Variants in SMOX observed in about 807,000 individuals in gnomAD.
SMOX encodes the protein flavin containing amine oxidase.
A neutral mutation model predicts 51.0 loss-of-function variants in SMOX; 22 were observed. The ratio of observed to expected loss-of-function variants is 0.43; its 90% confidence interval spans 0.31 to 0.62. The LOEUF (loss-of-function observed/expected upper bound fraction) is 0.62. Among genes scored for constraint, SMOX ranks in the 20% least tolerant of loss-of-function variants. The pLI is 0.10. For missense variants in SMOX, 566 were observed against 777.7 expected (o/e 0.73, Z 3.24); for synonymous variants, 282 against 307.8 (o/e 0.92, Z 0.88).
In SMOX at chr20:4,177,838, G is replaced by A. The variant is rs961030576; in HGVS notation, c.435+261G>A. Among the ~76,000 whole-genome samples the A allele has an allele frequency of 1.3e-5, 2 of 152,028 alleles. No individual in the cohort carries two copies. The highest frequency in any genetic ancestry group is 1.9e-4 in the East Asian group (1 of 5,198). On this transcript the variant is annotated intron_variant, in intron 3 of 6. Coordinates refer to ENST00000305958, the MANE Select transcript of SMOX (RefSeq NM_175839.3). This position sits in a 1 kb window ranked among gnomAD's most constrained non-coding sequence, Gnocchi z 4.3. Reference sequence around the variant, plus strand: ...ATTCTAATAATATTTTGGAATTTATGTATATAACTCTACACAAAAAATGAG... The same window carrying A: ...ATTCTAATAATATTTTGGAATTTATATATATAACTCTACACAAAAAATGAG...
rs900196116 is a variant in SMOX at position 4,187,469 on chromosome 20, C to T, written c.*62C>T. ...TGACCTCCAGCCTGCCCCTTGCTGC[C>T]GTGTGCTCCTGCCTTCCTGATCCTC... On this transcript the variant is annotated 3_prime_UTR_variant, in exon 7 of 7. Transcript: ENST00000305958. The surrounding 1 kb of genome is among the most constrained non-coding windows in gnomAD (Gnocchi z 4.8). 5.0e-5 allele frequency: 79 copies of T among 1,583,454 alleles called. No individual in the cohort carries two copies. Among genetic ancestry groups the T allele is most frequent in the Middle Eastern group, 3.4e-4 (2 of 5,934 alleles).
intron 1 of SMOX, among the ~76,000 whole-genome samples, chr20:4,156,385 A>T (rs1986020932): frequency 6.6e-6 from 1 of 152,148 alleles, no homozygotes; most frequent in African/African-American, 2.4e-5. Context: ...GACAATCAGT[A>T]GAAGAAGAGG....
At position 4,181,670 on chromosome 20, in the gene SMOX, C is replaced by A. The variant is rs1979332506; in HGVS notation, c.436-133C>A. ...TGCAGCATTGAGTGCAACATCGGATCCCTAAGGGACAGAGACCAGGGGCTC... is the reference window on the plus strand; with the variant it reads ...TGCAGCATTGAGTGCAACATCGGATACCTAAGGGACAGAGACCAGGGGCTC... On this transcript the variant is annotated intron_variant, in intron 3 of 6. Transcript: ENST00000305958. The surrounding 1 kb of genome is among the most constrained non-coding windows in gnomAD (Gnocchi z 5.6). 5 of 1,085,508 alleles carry A rather than the reference C, an allele frequency of 4.6e-6. No individual in the cohort carries two copies. In the South Asian group the frequency reaches 4.7e-5, roughly 10 times the overall value. 67.2% of individuals were successfully genotyped at this position (1,085,508 alleles called of 1,614,324 possible).
rs572640221 is a variant in SMOX at position 4,167,199 on chromosome 20, G to T, written c.-26-7831G>T. On this transcript the variant is annotated intron_variant, in intron 1 of 6. Transcript: ENST00000305958. This position sits in a 1 kb window ranked among gnomAD's most constrained non-coding sequence, Gnocchi z 4.8. Reference sequence around the variant, plus strand: ...ATTGGGTTGGGGTCAGTCAGATACAGATGTGAGGTGCCTGCATGATGTCAG... The same window carrying T: ...ATTGGGTTGGGGTCAGTCAGATACATATGTGAGGTGCCTGCATGATGTCAG... Among the ~76,000 whole-genome samples the T allele has an allele frequency of 2.7e-4, 41 of 152,318 alleles. No individual in the cohort carries two copies. The South Asian group carries it at 8.3e-3, about 31-fold the overall frequency.
chr20:4,155,992 C>G (rs1986004106), intron 1 of SMOX, among the ~76,000 whole-genome samples: 1 of 152,198 alleles, frequency 6.6e-6, no homozygotes, highest in Non-Finnish European at 1.5e-5. Flanking sequence ...ACTTTGATCC[C>G]TGCCCCTGGG....
Position 4,187,105 on chromosome 20 carries a change from C to G in SMOX, c.1531-165C>G, listed in dbSNP as rs1482633316. ...AAGGGAAGAAGCAGGGGAAAGTGGC[C>G]AGATAGGATGGGCAGCTCTTCATCC... is the stretch of plus-strand genomic sequence containing the variant. On this transcript the variant is annotated intron_variant, in intron 6 of 6. Coordinates refer to ENST00000305958, the MANE Select transcript of SMOX (RefSeq NM_175839.3). The surrounding 1 kb of genome is among the most constrained non-coding windows in gnomAD (Gnocchi z 4.8). Among the ~76,000 whole-genome samples the G allele has an allele frequency of 6.6e-6, 1 of 152,170 alleles. No individual in the cohort carries two copies. Among genetic ancestry groups the G allele is most frequent in the Non-Finnish European group, 1.5e-5 (1 of 68,024 alleles).
At chr20:4,160,302 G>T (rs1986244213) in intron 1 of SMOX, among the ~76,000 whole-genome samples, 1 of 152,214 alleles carries the variant, frequency 6.6e-6, no homozygotes, top group Non-Finnish European at 1.5e-5. Context: ...CCAAGTGCCT[G>T]GCACAGTGTG....
chr20:4,155,448 C>G (rs1399534752), intron 1 of SMOX, among the ~76,000 whole-genome samples: 1 of 152,100 alleles, frequency 6.6e-6, no homozygotes, highest in South Asian at 2.1e-4. Context: ...TCTGCTCTGC[C>G]CTGGCTGGGC....
At position 4,183,759 on chromosome 20, in the gene SMOX, A is replaced by T; in HGVS notation, c.1530+105A>T. The stretch of plus-strand genomic sequence containing the variant: ...GGGTAGTGTTCACTAAGGGGTGCTC[A>T]GGTGAGGCAGGGATGGAGTAGCTTC... On this transcript the variant is annotated intron_variant, in intron 6 of 6. Transcript: ENST00000305958. The surrounding 1 kb of genome is among the most constrained non-coding windows in gnomAD (Gnocchi z 4.3). 1.5e-6 allele frequency: 2 copies of T among 1,319,112 alleles called. No homozygotes were observed. Among genetic ancestry groups the T allele is most frequent in the Non-Finnish European group, 9.9e-7 (1 of 1,005,328 alleles). 81.7% of individuals were successfully genotyped at this position (1,319,112 alleles called of 1,614,324 possible).
intron 1 of SMOX, among the ~76,000 whole-genome samples, chr20:4,155,311 G>A (rs1985960262): frequency 6.6e-6 from 1 of 152,192 alleles, no homozygotes; most frequent in Non-Finnish European, 1.5e-5. Flanking sequence ...CCAAGTCCTT[G>A]TTGCTGCCGC....
intron 1 of SMOX, among the ~76,000 whole-genome samples, chr20:4,164,373 C>T (rs1162865166): frequency 6.6e-6 from 1 of 152,206 alleles, no homozygotes; most frequent in Admixed American, 6.5e-5. Flanking sequence ...TGGGATAAGC[C>T]ATCTGCATGC....
In SMOX at chr20:4,153,583, C is replaced by A. The variant is rs561385629; in HGVS notation, c.-27+4606C>A. On this transcript the variant is annotated intron_variant, in intron 1 of 6. Coordinates refer to ENST00000305958, the MANE Select transcript of SMOX (RefSeq NM_175839.3). The surrounding 1 kb of genome is among the most constrained non-coding windows in gnomAD (Gnocchi z 4.4). The stretch of plus-strand genomic sequence containing the variant: ...TTTGCTGACCACACAGGGATGGGGT[C>A]TGTTTTCTCTGAATTCTGAGCCCCA... 6.6e-6 allele frequency among the ~76,000 whole-genome samples: 1 copy of A among 152,182 alleles called. No homozygotes were observed. Among genetic ancestry groups the A allele is most frequent in the Non-Finnish European group, 1.5e-5 (1 of 68,040 alleles).
chr20:4,171,059 C>T (rs1036735800), intron 1 of SMOX, among the ~76,000 whole-genome samples: 8 of 152,296 alleles, frequency 5.3e-5, no homozygotes, highest in Middle Eastern at 3.4e-3. Flanking sequence ...GTCTGTTGCC[C>T]GCCCTCCTCC....
chr20:4,184,532 T>G (rs1979593286), intron 6 of SMOX, among the ~76,000 whole-genome samples: 1 of 151,954 alleles, frequency 6.6e-6, no homozygotes, highest in Non-Finnish European at 1.5e-5. Context: ...ATATTTATGC[T>G]CCCATAAAGT....
rs549685962 is a variant in SMOX, at chr20:4,158,052, C to T, written c.-27+9075C>T. The stretch of plus-strand genomic sequence containing the variant: ...AGTAGCTGGGACTACAGGCGCCCGC[C>T]ACCACGCCCGGCTAATTTTTTGTAT... On this transcript the variant is annotated intron_variant, in intron 1 of 6. Transcript: ENST00000305958. Among the ~76,000 whole-genome samples the T allele has an allele frequency of 8.2e-4, 123 of 150,726 alleles. No individual in the cohort carries two copies. The East Asian group carries it at 9.4e-3, about 11-fold the overall frequency.
chr20:4,158,925 C>T (rs1421384379), intron 1 of SMOX, among the ~76,000 whole-genome samples: 1 of 151,904 alleles, frequency 6.6e-6, no homozygotes, highest in Non-Finnish European at 1.5e-5. Flanking sequence ...CCAGCACCAC[C>T]AAGGGGCATA....
chr20:4,165,717 T>C (rs923867369), intron 1 of SMOX, among the ~76,000 whole-genome samples: 8 of 152,094 alleles, frequency 5.3e-5, no homozygotes, highest in African/African-American at 1.9e-4. Flanking sequence ...ATTTTCCCCA[T>C]TTGACAAATG....
chr20:4,151,787 A>G (rs1985779370), intron 1 of SMOX, among the ~76,000 whole-genome samples: 2 of 152,178 alleles, frequency 1.3e-5, no homozygotes, highest in South Asian at 2.1e-4. Flanking sequence ...ACCATTTGTT[A>G]CAATTGTTTG....
intron 1 of SMOX, 67 bp from the exon 2 acceptor site, chr20:4,174,963 G>A: frequency 1.3e-6 from 2 of 1,485,796 alleles, no homozygotes; most frequent in Non-Finnish European, 9.3e-7. Flanking sequence ...AAAGCCCTGA[G>A]TGTCCCTTGG....
Sources: allele counts gnomAD v4.1 joint callset (sites outside exome capture counted in the v4.1 genomes callset), GRCh38; gene constraint gnomAD v4.1.1; non-coding constraint Gnocchi (gnomAD v3.1); transcripts MANE v1.5; gene names NCBI Gene and HGNC (gene_info 2026-07-23, HGNC 2026-07-21).